The following CCDC60 variants were observed in gnomAD, a reference collection of about 807,000 sequenced individuals.
CCDC60 encodes the protein coiled-coil domain containing 60.
CCDC60 carries 54 observed loss-of-function variants against 63.5 expected under a neutral mutation model. The observed-to-expected ratio is 0.85, with a 90% CI of 0.68 to 1.07. CCDC60 has a LOEUF of 1.07. CCDC60 is among the 50% of genes least tolerant of loss of function. CCDC60 has a pLI of 0.00. For missense variants in CCDC60, 651 were observed against 684.3 expected, an observed-to-expected ratio of 0.95 and a Z score of 0.54; for synonymous variants, 206 against 238.8, an observed-to-expected ratio of 0.86 and a Z score of 1.27.
chr12:119,508,266 A>C (rs535715824), intron 7 of CCDC60, among the ~76,000 whole-genome samples: 2 of 152,192 alleles, frequency 1.3e-5, no homozygotes, highest in African/African-American at 2.4e-5. Flanking sequence ...GCTTATCAAA[A>C]GGTCAAGAGA....
intron 1 of CCDC60, among the ~76,000 whole-genome samples, chr12:119,407,001 C>T (rs1281914223): frequency 1.3e-5 from 2 of 152,118 alleles, no homozygotes; most frequent in Admixed American, 6.5e-5. Flanking sequence ...CAGCTAAGGA[C>T]AAATATCTTC....
chr12:119,384,193 C>T (rs1225625594), intron 1 of CCDC60, among the ~76,000 whole-genome samples: 1 of 149,666 alleles, frequency 6.7e-6, no homozygotes, highest in Non-Finnish European at 1.5e-5. Flanking sequence ...AAGACTCCAT[C>T]TCAAAAAAAA....
chr12:119,363,338 C>T lies in CCDC60; in HGVS notation c.90+28072C>T, dbSNP rs73217249. ...CATTTGGATTCCTCTTTTGTGAATGCCTGTTTGAGTCTGCTGTCTTTGCAA... is the reference window on the plus strand; with the variant it reads ...CATTTGGATTCCTCTTTTGTGAATGTCTGTTTGAGTCTGCTGTCTTTGCAA... On this transcript the variant is annotated intron_variant, in intron 1 of 13. Transcript: ENST00000327554. Among the ~76,000 whole-genome samples, 7 of 152,052 alleles carry T rather than the reference C, an allele frequency of 4.6e-5. 1 individual carries two copies. Among genetic ancestry groups the T allele is most frequent in the Non-Finnish European group, 8.8e-5 (6 of 67,994 alleles).
At chr12:119,527,272 T>C (rs1333182381) in intron 11 of CCDC60, among the ~76,000 whole-genome samples, 1 of 150,634 alleles carries the variant, frequency 6.6e-6, no homozygotes, top group Non-Finnish European at 1.5e-5. Context: ...TGAGGGGGGA[T>C]GGTGGGAGGA....
chr12:119,522,345 G>T (rs1299660822), intron 9 of CCDC60, among the ~76,000 whole-genome samples: 1 of 152,196 alleles, frequency 6.6e-6, no homozygotes, highest in Non-Finnish European at 1.5e-5. Flanking sequence ...ACAGGAGGGG[G>T]TATCCATACG....
At chr12:119,486,997 A>G (rs951008590) in intron 4 of CCDC60, among the ~76,000 whole-genome samples, 1 of 152,054 alleles carries the variant, frequency 6.6e-6, no homozygotes, top group Non-Finnish European at 1.5e-5. Context: ...TAAGAGGAGA[A>G]ATCTTGCGGG....
At chr12:119,531,821 A>T (rs541344757) in intron 13 of CCDC60, among the ~76,000 whole-genome samples, 83 of 152,214 alleles carry the variant, frequency 5.5e-4, no homozygotes, top group Non-Finnish European at 9.0e-4. Flanking sequence ...CCATCACCAG[A>T]AGAAGTTCCT....
chr12:119,474,233 C>T (rs1951129249), intron 3 of CCDC60, among the ~76,000 whole-genome samples: 1 of 152,180 alleles, frequency 6.6e-6, no homozygotes, highest in African/African-American at 2.4e-5. Flanking sequence ...TTCCCCTAAG[C>T]GAATCCAGTG....
intron 2 of CCDC60, among the ~76,000 whole-genome samples, chr12:119,462,314 C>A (rs1367136610): frequency 1.3e-5 from 2 of 152,170 alleles, no homozygotes; most frequent in African/African-American, 4.8e-5. Flanking sequence ...AACAGCCCAG[C>A]ATCTCCTAAA....
intron 4 of CCDC60, among the ~76,000 whole-genome samples, chr12:119,487,892 C>T (rs546890390): frequency 6.6e-6 from 1 of 152,240 alleles, no homozygotes; most frequent in African/African-American, 2.4e-5. Flanking sequence ...CCCAGACTGG[C>T]ATGCAGTGGT....
At chr12:119,532,396 C>CTAT (rs71451846) in intron 13 of CCDC60, among the ~76,000 whole-genome samples, 11,696 of 142,230 alleles carry the variant, frequency 0.082, 544 homozygotes, top group Middle Eastern at 0.12. Flanking sequence ...CATCACAGAA[C>CTAT]TATTATTATT....
intron 1 of CCDC60, among the ~76,000 whole-genome samples, chr12:119,418,382 C>CTTTGTTTTTT (rs1202154024): frequency 1.6e-5 from 1 of 60,726 alleles, no homozygotes. Context: ...CCTTTTCTTT[C>CTTTGTTTTTT]TTTCTTTTTT....
rs538169876 is a variant in CCDC60 at position 119,410,023 on chromosome 12, C to T, written c.91-18660C>T. Among the ~76,000 whole-genome samples, 4 of 152,336 alleles carry T rather than the reference C, an allele frequency of 2.6e-5. No homozygotes were observed. The highest frequency in any genetic ancestry group is 9.6e-5 in the African/African-American group (4 of 41,582). On this transcript the variant is annotated intron_variant, in intron 1 of 13. Coordinates refer to ENST00000327554, the MANE Select transcript of CCDC60 (RefSeq NM_178499.5). This position sits in a 1 kb window ranked among gnomAD's most constrained non-coding sequence, Gnocchi z 4.0. ...TTGTTCCCAGATTCAGCTCCAAAGA[C>T]TCAAGAGTTTGGCATCAACCTGCTC...
rs1224088473 is a variant in CCDC60, at chr12:119,456,060, A to AAAGAAAGAAAGAAAGCAAGC, written c.171-15931_171-15930insAAAGAAAGAAAGCAAGCAAG. Among the ~76,000 whole-genome samples, 12 of 118,868 alleles carry AAAGAAAGAAAGAAAGCAAGC rather than the reference A, an allele frequency of 1.0e-4. No homozygotes were observed. Among genetic ancestry groups the AAAGAAAGAAAGAAAGCAAGC allele is most frequent in the African/African-American group, 2.2e-4 (7 of 31,466 alleles). 78.0% of individuals were successfully genotyped at this position (118,868 alleles called of 152,430 possible). On this transcript the variant is annotated intron_variant, in intron 2 of 13. Transcript: ENST00000327554. This position sits in a 1 kb window ranked among gnomAD's most constrained non-coding sequence, Gnocchi z 4.6. ...GAAAGAAAGAAAGAAAGAAAGAAAGAAAGCAAGCAAGCATGTGCAATTTCA... is the reference window on the plus strand; with the variant it reads ...GAAAGAAAGAAAGAAAGAAAGAAAGAAAGAAAGAAAGAAAGCAAGCAAGCAAGCAAGCATGTGCAATTTCA...
chr12:119,528,682 A>G lies in CCDC60; in HGVS notation c.1297A>G (p.Ile433Val), dbSNP rs144342898. 2.0e-5 allele frequency: 32 copies of G among 1,614,122 alleles called. No homozygotes were observed. In the African/African-American group the frequency reaches 2.9e-4, roughly 15 times the overall value. The change falls in exon 12 of 14, where the codon ATA (isoleucine) becomes GTA (valine). Residue 433 changes from isoleucine to valine, a missense_variant. Transcript: ENST00000327554. ...FVLVSNFQKDIAKMRHHISVV... is the reference protein window; with the variant it reads ...FVLVSNFQKDVAKMRHHISVV... ...CCTTGTCTCAAATTTTCAAAAGGAC[A>G]TAGCAAAAATGAGACATCACATATC...
chr12:119,373,522 A>G (rs961453285), intron 1 of CCDC60, among the ~76,000 whole-genome samples: 3 of 152,166 alleles, frequency 2.0e-5, no homozygotes, highest in African/African-American at 7.2e-5. Context: ...TGAGTGTAGG[A>G]CCATGTCTGT....
intron 1 of CCDC60, among the ~76,000 whole-genome samples, chr12:119,345,007 T>C (rs897578720): frequency 6.6e-6 from 1 of 152,020 alleles, no homozygotes; most frequent in Non-Finnish European, 1.5e-5. Context: ...CACCATAAAA[T>C]TCCCCTTTGT....
At chr12:119,434,547 G>T (rs1448878868) in intron 2 of CCDC60, among the ~76,000 whole-genome samples, 1 of 152,174 alleles carries the variant, frequency 6.6e-6, no homozygotes, top group African/African-American at 2.4e-5. Flanking sequence ...CTAAAACCAG[G>T]TGATGTATAA....
At chr12:119,405,373 C>T (rs531681642) in intron 1 of CCDC60, among the ~76,000 whole-genome samples, 5 of 152,186 alleles carry the variant, frequency 3.3e-5, no homozygotes, top group Admixed American at 2.0e-4. Context: ...CTCTGTTCCC[C>T]GGCTGTATTT....
Sources: gnomAD v4.1 joint callset for allele counts (sites outside exome capture counted in the v4.1 genomes callset) on GRCh38, gnomAD v4.1.1 for gene constraint, Gnocchi (gnomAD v3.1) non-coding constraint, MANE v1.5 for transcripts, NCBI Gene and HGNC (gene_info 2026-07-23, HGNC 2026-07-21) for gene names.